The following PTPRT variants were observed in gnomAD, a reference collection of about 807,000 sequenced individuals.
PTPRT encodes the protein protein tyrosine phosphatase receptor type T, also known as receptor-type tyrosine-protein phosphatase T.
PTPRT carries 56 observed loss-of-function variants against 176.8 expected under a neutral mutation model. The observed-to-expected ratio is 0.32, with a 90% CI of 0.26 to 0.40. The LOEUF is 0.40. PTPRT is among the 10% of genes least tolerant of loss of function. The pLI, the probability that PTPRT is intolerant of heterozygous loss-of-function variation, is 1.00. For synonymous variants in PTPRT, 783 were observed against 739.0 expected (o/e 1.06, Z -0.96); for missense variants, 1,540 against 1,908.2 (o/e 0.81, Z 3.60).
intron 7 of PTPRT, among the ~76,000 whole-genome samples, chr20:42,610,391 T>TTTTTTTTTTTTTTTTTTTTG: frequency 6.6e-6 from 1 of 150,590 alleles, no homozygotes. Flanking sequence ...TTTTTTTTTT[T>TTTTTTTTTTTTTTTTTTTTG]GTTTTTTTTT....
intron 16 of PTPRT, among the ~76,000 whole-genome samples, chr20:42,195,976 A>G (rs1991200990): frequency 6.6e-6 from 1 of 152,194 alleles, no homozygotes; most frequent in Non-Finnish European, 1.5e-5. Flanking sequence ...GTTTTGGCCC[A>G]TAGCGAACAG....
chr20:42,212,888 C>T (rs2055678397), intron 15 of PTPRT, among the ~76,000 whole-genome samples: 1 of 152,126 alleles, frequency 6.6e-6, no homozygotes, highest in Non-Finnish European at 1.5e-5. Flanking sequence ...TAAAAACCTC[C>T]ATTGATGCAG....
chr20:42,399,440 G>A (rs75590473), intron 9 of PTPRT, among the ~76,000 whole-genome samples: 1,930 of 152,300 alleles, frequency 0.013, 41 homozygotes, highest in African/African-American at 0.044. Context: ...GGAGAAAATG[G>A]CAGTGCAAAC....
Position 42,661,701 on chromosome 20 carries a change from C to T in PTPRT, c.1153+16165G>A, listed in dbSNP as rs541242255. Among the ~76,000 whole-genome samples the T allele has an allele frequency of 2.0e-5, 3 of 152,306 alleles. No homozygotes were observed. The East Asian group carries it at 5.8e-4, about 29-fold the overall frequency. ...GATTCCCATTGACCTTCGAGACCCC[C>T]TAACTCCCACTCTCACCTCCTGCTA... On this transcript the variant is annotated intron_variant, in intron 7 of 30. Coordinates refer to ENST00000373187, the MANE Select transcript of PTPRT (RefSeq NM_007050.6).
intron 1 of PTPRT, among the ~76,000 whole-genome samples, chr20:43,062,235 G>A (rs1355464919): frequency 6.6e-6 from 1 of 152,222 alleles, no homozygotes; most frequent in African/African-American, 2.4e-5. Context: ...TTTATTGGAT[G>A]TGACTAAAGC....
At chr20:42,912,864 A>G (rs1444611458) in intron 1 of PTPRT, among the ~76,000 whole-genome samples, 2 of 152,174 alleles carry the variant, frequency 1.3e-5, no homozygotes, top group Non-Finnish European at 2.9e-5. Context: ...TGTTCCACTG[A>G]TCTATGTGCC....
intron 2 of PTPRT, among the ~76,000 whole-genome samples, chr20:42,847,263 C>T (rs890286337): frequency 2.0e-5 from 3 of 152,194 alleles, no homozygotes; most frequent in South Asian, 2.1e-4. Flanking sequence ...AGAACAGGGG[C>T]GAGAAGATCC....
intron 1 of PTPRT, among the ~76,000 whole-genome samples, chr20:42,946,569 C>T (rs1461011711): frequency 6.6e-6 from 1 of 152,116 alleles, no homozygotes; most frequent in African/African-American, 2.4e-5. Context: ...GTTATCAGTT[C>T]CTTAGACAGG....
At chr20:42,605,918 T>A (rs1180483010) in intron 7 of PTPRT, among the ~76,000 whole-genome samples, 1 of 152,202 alleles carries the variant, frequency 6.6e-6, no homozygotes, top group Non-Finnish European at 1.5e-5. Context: ...CCCAGAAATG[T>A]CATGTGGCCA....
intron 1 of PTPRT, among the ~76,000 whole-genome samples, chr20:42,984,673 A>G (rs1255043198): frequency 6.6e-6 from 1 of 152,236 alleles, no homozygotes; most frequent in Admixed American, 6.5e-5. Context: ...CAAGGTAGGA[A>G]TCATTGCTTT....
At chr20:42,183,688 T>G (rs573591635) in intron 16 of PTPRT, among the ~76,000 whole-genome samples, 4 of 152,314 alleles carry the variant, frequency 2.6e-5, no homozygotes, top group African/African-American at 9.6e-5. Flanking sequence ...ATGACCACAA[T>G]TGATTCCTTC....
chr20:42,242,691 GAAAAAAATAGAA>G lies in PTPRT; in HGVS notation c.2312+5984_2312+5995del, dbSNP rs556966970. ...TTAGGAGACTTGTCAGAAAAACTAAGAAAAAAATAGAAAAACTAAAAAGCTAAGAAGAACTAA... is the reference window on the plus strand; with the variant it reads ...TTAGGAGACTTGTCAGAAAAACTAAGAAACTAAAAAGCTAAGAAGAACTAA... On this transcript the variant is annotated intron_variant, in intron 14 of 30. Coordinates refer to ENST00000373187, the MANE Select transcript of PTPRT (RefSeq NM_007050.6). Among the ~76,000 whole-genome samples, 17 of 152,156 alleles carry G rather than the reference GAAAAAAATAGAA, an allele frequency of 1.1e-4. No individual in the cohort carries two copies. In the East Asian group the frequency reaches 2.9e-3, roughly 26 times the overall value.
chr20:42,782,141 T>C (rs2077223897), intron 3 of PTPRT, among the ~76,000 whole-genome samples: 1 of 152,222 alleles, frequency 6.6e-6, no homozygotes, highest in East Asian at 1.9e-4. Context: ...GGGTCTTTTT[T>C]CTATTTAGGC....
At chr20:42,378,804 T>C (rs1234571643) in intron 9 of PTPRT, among the ~76,000 whole-genome samples, 1 of 152,216 alleles carries the variant, frequency 6.6e-6, no homozygotes, top group Non-Finnish European at 1.5e-5. Context: ...CAGATACTAA[T>C]GGTATCCCCT....
intron 2 of PTPRT, among the ~76,000 whole-genome samples, chr20:42,848,725 T>C (rs779693805): frequency 1.2e-4 from 18 of 152,206 alleles, no homozygotes; most frequent in Non-Finnish European, 1.5e-5. Flanking sequence ...CTTTGTTGGA[T>C]GTATAGATGG....
At chr20:42,421,201 G>C (rs749321216) in intron 9 of PTPRT, among the ~76,000 whole-genome samples, 7 of 151,910 alleles carry the variant, frequency 4.6e-5, no homozygotes, top group Admixed American at 4.6e-4. Flanking sequence ...TCTTCTCAAC[G>C]TAATGACATG....
intron 9 of PTPRT, among the ~76,000 whole-genome samples, chr20:42,417,753 T>C (rs566984603): frequency 1.3e-5 from 2 of 151,640 alleles, no homozygotes; most frequent in Admixed American, 1.3e-4. Context: ...TATTCATTTT[T>C]TAGAGTCAAA....
intron 7 of PTPRT, among the ~76,000 whole-genome samples, chr20:42,529,783 G>A (rs1027871361): frequency 6.7e-5 from 10 of 150,188 alleles, no homozygotes; most frequent in Non-Finnish European, 1.5e-4. Context: ...CACTACGCCT[G>A]GCCTCAAAGT....
chr20:42,440,923 A>C (rs2059310659), intron 9 of PTPRT, among the ~76,000 whole-genome samples: 1 of 152,186 alleles, frequency 6.6e-6, no homozygotes, highest in Admixed American at 6.5e-5. Context: ...CCTTCAGCTG[A>C]TGGGATGAAG....
Sources: allele counts gnomAD v4.1 joint callset (sites outside exome capture counted in the v4.1 genomes callset), GRCh38; gene constraint gnomAD v4.1.1; transcripts MANE v1.5; gene names NCBI Gene and HGNC (gene_info 2026-07-23, HGNC 2026-07-21).